Variants in APP observed in about 807,000 individuals in gnomAD.
APP encodes amyloid beta precursor protein, also known as amyloid-beta precursor protein.
APP carries 31 observed loss-of-function variants against 101.4 expected under a neutral mutation model. The observed-to-expected ratio is 0.31, with a 90% CI of 0.23 to 0.41. The LOEUF is 0.41. APP is among the 10% of genes least tolerant of loss of function. APP has a pLI of 1.00. For missense variants in APP, 839 were observed against 1,003.7 expected (o/e 0.84, Z 2.22); for synonymous variants, 366 against 364.4 (o/e 1.00, Z -0.05).
chr21:26,109,498 C>A (rs2062263568), intron 2 of APP, among the ~76,000 whole-genome samples: 1 of 152,194 alleles, frequency 6.6e-6, no homozygotes, highest in African/African-American at 2.4e-5. Flanking sequence ...TTTCCTGAGG[C>A]CTCCCCAGCC....
At chr21:26,159,217 C>T (rs1244422892) in intron 1 of APP, among the ~76,000 whole-genome samples, 1 of 151,990 alleles carries the variant, frequency 6.6e-6, no homozygotes, top group Non-Finnish European at 1.5e-5. Context: ...GTAGCTGGGA[C>T]TACAGGTGCC....
chr21:26,073,469 C>CAGAT (rs1204532487), intron 3 of APP, among the ~76,000 whole-genome samples: 1 of 150,142 alleles, frequency 6.7e-6, no homozygotes, highest in Non-Finnish European at 1.5e-5. Flanking sequence ...GCTCAAGGAA[C>CAGAT]AGATGCCTGA....
chr21:25,893,391 A>G (rs1188773439), intron 16 of APP, among the ~76,000 whole-genome samples: 2 of 152,242 alleles, frequency 1.3e-5, no homozygotes, highest in Non-Finnish European at 2.9e-5. Flanking sequence ...AATTAAGCTT[A>G]GTGGGCAAGG....
chr21:26,029,193 A>C (rs2044712237), intron 5 of APP, among the ~76,000 whole-genome samples: 1 of 152,180 alleles, frequency 6.6e-6, no homozygotes, highest in Non-Finnish European at 1.5e-5. Context: ...GTACGGTTAC[A>C]TTTCTTACAG....
At chr21:26,122,970 A>G (rs189390587) in intron 1 of APP, among the ~76,000 whole-genome samples, 166 of 152,298 alleles carry the variant, frequency 1.1e-3, no homozygotes, top group African/African-American at 3.8e-3. Context: ...ATGTAAAGAT[A>G]GTAAGAGGCC....
At chr21:26,040,556 C>T (rs1055122410) in intron 5 of APP, among the ~76,000 whole-genome samples, 1 of 150,314 alleles carries the variant, frequency 6.7e-6, no homozygotes, top group African/African-American at 2.5e-5. Flanking sequence ...GAGCCCAAAT[C>T]ACACCACTGC....
At chr21:26,156,868 A>C (rs1295006475) in intron 1 of APP, among the ~76,000 whole-genome samples, 1 of 152,176 alleles carries the variant, frequency 6.6e-6, no homozygotes, top group Non-Finnish European at 1.5e-5. Context: ...GGTGAAAAAA[A>C]GTATAATTTA....
intron 13 of APP, among the ~76,000 whole-genome samples, chr21:25,918,673 C>T (rs1487042008): frequency 6.6e-6 from 1 of 151,666 alleles, no homozygotes; most frequent in Non-Finnish European, 1.5e-5. Flanking sequence ...CTTTTCAGAC[C>T]GGCTTAAGAA....
intron 2 of APP, among the ~76,000 whole-genome samples, chr21:26,099,168 GA>G (rs781673242): frequency 7.5e-4 from 102 of 136,066 alleles, no homozygotes; most frequent in African/African-American, 1.1e-3. Flanking sequence ...TGTGAAAAAG[GA>G]AAAAAAAAAA....
At chr21:26,118,685 T>C (rs1302649039) in intron 1 of APP, among the ~76,000 whole-genome samples, 2 of 152,186 alleles carry the variant, frequency 1.3e-5, no homozygotes, top group African/African-American at 2.4e-5. Context: ...CCTGAGTAGC[T>C]GGGACTACAG....
intron 1 of APP, 38 bp from the exon 2 acceptor site, chr21:26,112,184 G>C (rs1363765591): frequency 2.5e-6 from 4 of 1,605,474 alleles, no homozygotes. Flanking sequence ...AGTATCCATA[G>C]CTCCAAGGCA....
At chr21:26,070,997 T>A (rs1391493467) in intron 3 of APP, among the ~76,000 whole-genome samples, 2 of 152,148 alleles carry the variant, frequency 1.3e-5, no homozygotes, top group African/African-American at 4.8e-5. Context: ...ATGAAAAACG[T>A]CTGTTCCTTC....
intron 8 of APP, among the ~76,000 whole-genome samples, chr21:25,986,008 T>A (rs1023523907): frequency 6.6e-6 from 1 of 152,140 alleles, no homozygotes; most frequent in African/African-American, 2.4e-5. Flanking sequence ...GAGAGCAATT[T>A]TAAGGTGGAG....
At chr21:26,058,299 C>G (rs1276599153) in intron 3 of APP, among the ~76,000 whole-genome samples, 5 of 152,138 alleles carry the variant, frequency 3.3e-5, no homozygotes, top group African/African-American at 7.2e-5. Context: ...TCAGCAAATT[C>G]CACTGAGGCC....
chr21:25,886,749 A>G (rs73350860), intron 17 of APP, among the ~76,000 whole-genome samples: 27,916 of 150,868 alleles, frequency 0.19, 2,991 homozygotes, highest in African/African-American at 0.3. Flanking sequence ...CCTGCTGCTC[A>G]CTGTAAGCCA....
intron 14 of APP, among the ~76,000 whole-genome samples, chr21:25,907,362 A>C (rs1007632958): frequency 1.3e-5 from 2 of 152,174 alleles, no homozygotes; most frequent in Non-Finnish European, 2.9e-5. Flanking sequence ...TTATGATATC[A>C]TTGCCGAAAA....
chr21:26,144,857 C>T, intron 1 of APP, among the ~76,000 whole-genome samples: 1 of 152,094 alleles, frequency 6.6e-6, no homozygotes, highest in Non-Finnish European at 1.5e-5. Context: ...ATGTGCTGAA[C>T]AAAGTAAAGC....
chr21:25,956,521 C>T (rs1421892158), intron 11 of APP, among the ~76,000 whole-genome samples: 1 of 152,188 alleles, frequency 6.6e-6, no homozygotes, highest in Non-Finnish European at 1.5e-5. Context: ...ATGCATTCCA[C>T]TACATGATTT....
chr21:25,940,621 TG>T (rs1327397315), intron 13 of APP, among the ~76,000 whole-genome samples: 3 of 152,232 alleles, frequency 2.0e-5, no homozygotes, highest in Non-Finnish European at 4.4e-5. Context: ...GTTAAATTTT[TG>T]TGAATTAATC....
Sources: gnomAD v4.1 joint callset for allele counts (sites outside exome capture counted in the v4.1 genomes callset) on GRCh38, gnomAD v4.1.1 for gene constraint, MANE v1.5 for transcripts, NCBI Gene and HGNC (gene_info 2026-07-23, HGNC 2026-07-21) for gene names.